Variants in BRINP3 observed in about 807,000 individuals in gnomAD.
BRINP3 encodes BMP/retinoic acid inducible neural specific 3, also known as BMP/retinoic acid-inducible neural-specific protein 3.
A neutral mutation model predicts 71.0 loss-of-function variants in BRINP3; 19 were observed. That is an observed-to-expected ratio of 0.27 (90% CI 0.19 to 0.39). The LOEUF is 0.39. BRINP3 is among the 10% of genes least tolerant of loss of function. The pLI is 1.00. For synonymous variants in BRINP3, 380 were observed against 337.7 expected, an observed-to-expected ratio of 1.13 and a Z score of -1.37; for missense variants, 959 against 940.8, an observed-to-expected ratio of 1.02 and a Z score of -0.25.
intron 7 of BRINP3, among the ~76,000 whole-genome samples, chr1:190,126,709 C>A (rs574658184): frequency 1.3e-5 from 2 of 151,990 alleles, no homozygotes; most frequent in East Asian, 1.9e-4. Flanking sequence ...TAAAATGGCA[C>A]CCTCCTCCCC....
At chr1:190,312,133 T>A (rs1008575566) in intron 2 of BRINP3, among the ~76,000 whole-genome samples, 1 of 147,508 alleles carries the variant, frequency 6.8e-6, no homozygotes, top group African/African-American at 2.5e-5. Context: ...TATATTTATA[T>A]TGAAGTAACT....
chr1:190,116,116 T>C (rs532908967), intron 7 of BRINP3, among the ~76,000 whole-genome samples: 35 of 152,206 alleles, frequency 2.3e-4, no homozygotes, highest in African/African-American at 7.5e-4. Context: ...TACAATACTG[T>C]CTATACTTGA....
At chr1:190,444,305 T>C (rs1484683873) in intron 2 of BRINP3, among the ~76,000 whole-genome samples, 1 of 125,448 alleles carries the variant, frequency 8.0e-6, no homozygotes, top group Non-Finnish European at 1.7e-5. Context: ...TTTAATGGGG[T>C]GTGTTTTATT....
intron 3 of BRINP3, among the ~76,000 whole-genome samples, chr1:190,274,175 G>C (rs1662352215): frequency 6.6e-6 from 1 of 151,446 alleles, no homozygotes; most frequent in Admixed American, 6.6e-5. Context: ...CAGAATCACA[G>C]GGTACCCACA....
intron 2 of BRINP3, among the ~76,000 whole-genome samples, chr1:190,404,851 C>G (rs1170115489): frequency 6.6e-6 from 1 of 152,170 alleles, no homozygotes; most frequent in Non-Finnish European, 1.5e-5. Context: ...AGTGATTTTA[C>G]TCTATGAGAT....
intron 2 of BRINP3, among the ~76,000 whole-genome samples, chr1:190,432,556 A>G (rs575006717): frequency 7.8e-4 from 118 of 152,216 alleles, no homozygotes; most frequent in Non-Finnish European, 1.5e-3. Flanking sequence ...TAATTTCAGC[A>G]TAAAAGAACA....
chr1:190,376,509 T>G (rs1408253655), intron 2 of BRINP3, among the ~76,000 whole-genome samples: 2 of 152,092 alleles, frequency 1.3e-5, no homozygotes, highest in East Asian at 3.9e-4. Context: ...AAGACGCTGC[T>G]GTAAGCTTTG....
chr1:190,418,672 C>T (rs1244915198), intron 2 of BRINP3, among the ~76,000 whole-genome samples: 1 of 151,964 alleles, frequency 6.6e-6, no homozygotes, highest in Non-Finnish European at 1.5e-5. Context: ...ATCTGCAAAA[C>T]AGAAAAACAA....
intron 7 of BRINP3, among the ~76,000 whole-genome samples, chr1:190,103,689 A>C (rs1170289358): frequency 6.6e-6 from 1 of 152,078 alleles, no homozygotes; most frequent in Non-Finnish European, 1.5e-5. Flanking sequence ...GGAAAAGTTG[A>C]AAGTTCTGTA....
chr1:190,131,148 T>C (rs892386963), intron 7 of BRINP3, among the ~76,000 whole-genome samples: 12 of 130,298 alleles, frequency 9.2e-5, no homozygotes, highest in Non-Finnish European at 1.9e-4. Flanking sequence ...TTTAGGTTGC[T>C]TGTTTGACAG....
At chr1:190,420,752 C>T (rs1673322964) in intron 2 of BRINP3, among the ~76,000 whole-genome samples, 1 of 151,922 alleles carries the variant, frequency 6.6e-6, no homozygotes, top group Admixed American at 6.6e-5. Context: ...ATCACAAATT[C>T]TGTCACTTAT....
At position 190,369,689 on chromosome 1, in the gene BRINP3, AGAGT is replaced by A. The variant is rs540824080; in HGVS notation, c.236+84962_236+84965del. ...ATGTTCTTGTGTTTTTTTAATAGAT[AGAGT>A]ATTTATGTACTTTCTGTGACTAGCT... On this transcript the variant is annotated intron_variant, in intron 2 of 7. Transcript: ENST00000367462. Among the ~76,000 whole-genome samples, 907 of 152,156 alleles carry A rather than the reference AGAGT, an allele frequency of 6.0e-3. 15 individuals are homozygous for A. The highest frequency in any genetic ancestry group is 0.02 in the African/African-American group (845 of 41,538).
intron 2 of BRINP3, among the ~76,000 whole-genome samples, chr1:190,446,176 A>G (rs1177926042): frequency 2.0e-5 from 3 of 152,100 alleles, no homozygotes; most frequent in Non-Finnish European, 4.4e-5. Flanking sequence ...GTGAATTATA[A>G]TTAAATAACA....
At position 190,249,304 on chromosome 1, in the gene BRINP3, A is replaced by G. The variant is rs576661854; in HGVS notation, c.619-14827T>C. ...AAACCTTCACCAAATATGCAAATAAATTTGGTAAATTGTAGACCTCCAGAC... is the reference window on the plus strand; with the variant it reads ...AAACCTTCACCAAATATGCAAATAAGTTTGGTAAATTGTAGACCTCCAGAC... On this transcript the variant is annotated intron_variant, in intron 4 of 7. Transcript: ENST00000367462. 3.9e-5 allele frequency among the ~76,000 whole-genome samples: 6 copies of G among 151,958 alleles called. No individual in the cohort carries two copies. The East Asian group carries it at 7.7e-4, about 20-fold the overall frequency.
At chr1:190,468,828 A>C (rs539492533) in intron 1 of BRINP3, among the ~76,000 whole-genome samples, 1 of 151,212 alleles carries the variant, frequency 6.6e-6, no homozygotes, top group African/African-American at 2.4e-5. Flanking sequence ...AAGGTGTAAA[A>C]ATTATTTCTA....
At chr1:190,292,858 A>T (rs367691964) in intron 2 of BRINP3, among the ~76,000 whole-genome samples, 15 of 152,116 alleles carry the variant, frequency 9.9e-5, no homozygotes, top group African/African-American at 3.6e-4. Flanking sequence ...AGTAGTCTCT[A>T]ACAATCTTTT....
chr1:190,269,467 A>T (rs2102891203), intron 3 of BRINP3, among the ~76,000 whole-genome samples: 1 of 152,212 alleles, frequency 6.6e-6, no homozygotes, highest in Middle Eastern at 3.4e-3. Context: ...CAAATAAAAC[A>T]AATTGCATTG....
At chr1:190,410,117 A>C (rs2102404597) in intron 2 of BRINP3, among the ~76,000 whole-genome samples, 1 of 151,612 alleles carries the variant, frequency 6.6e-6, no homozygotes, top group South Asian at 2.1e-4. Context: ...GTAGCTGTTC[A>C]GAGAGAACAG....
intron 2 of BRINP3, among the ~76,000 whole-genome samples, chr1:190,303,394 C>T (rs1311724575): frequency 1.3e-5 from 2 of 151,226 alleles, no homozygotes; most frequent in Non-Finnish European, 3.0e-5. Flanking sequence ...AATCAGAAGA[C>T]TCCAAATAGG....
Sources: allele counts gnomAD v4.1 joint callset (sites outside exome capture counted in the v4.1 genomes callset), GRCh38; gene constraint gnomAD v4.1.1; transcripts MANE v1.5; gene names NCBI Gene and HGNC (gene_info 2026-07-23, HGNC 2026-07-21).